The following LANCL3 variants were observed in gnomAD, a reference collection of about 807,000 sequenced individuals.
LANCL3 encodes LanC like family member 3.
In LANCL3, 19 loss-of-function variants were observed where a neutral mutation model predicts 26.5. That is an observed-to-expected ratio of 0.72 (90% CI 0.50 to 1.05). The LOEUF (loss-of-function observed/expected upper bound fraction) is 1.05, where lower values mean the gene tolerates loss of function less well. Ranked by LOEUF, LANCL3 falls within the 50% of genes least tolerant of loss-of-function variation. The pLI is 0.00. For synonymous variants in LANCL3, 160 were observed against 166.6 expected, an observed-to-expected ratio of 0.96 and a Z score of 0.30; for missense variants, 318 against 362.7, an observed-to-expected ratio of 0.88 and a Z score of 1.00.
At chrX:37,674,888 T>C (rs1926759093) in intron 4 of LANCL3, among the ~76,000 whole-genome samples, 1 of 111,443 alleles carries the variant, frequency 9.0e-6, no homozygotes, top group Non-Finnish European at 1.9e-5. Flanking sequence ...TTGATGGGAA[T>C]GAGTAGAGCA....
At chrX:37,591,378 TG>T (rs1266387229) in intron 1 of LANCL3, among the ~76,000 whole-genome samples, 12 of 111,006 alleles carry the variant, frequency 1.1e-4, no homozygotes, top group African/African-American at 3.9e-4. Flanking sequence ...GTGTTAGTGG[TG>T]GTGTGGGTCA....
chrX:37,628,217 G>T (rs1925370722), intron 1 of LANCL3, among the ~76,000 whole-genome samples: 1 of 111,386 alleles, frequency 9.0e-6, no homozygotes, highest in South Asian at 3.8e-4. Context: ...ATGATGTTCT[G>T]CAAAGGACAG....
intron 1 of LANCL3, among the ~76,000 whole-genome samples, chrX:37,655,070 A>G (rs782800136): frequency 1.8e-5 from 2 of 112,964 alleles, no homozygotes; most frequent in East Asian, 2.8e-4. Flanking sequence ...TGAATAAAAC[A>G]TGGAAGACTG....
intron 3 of LANCL3, among the ~76,000 whole-genome samples, chrX:37,664,893 CT>C (rs1299251406): frequency 3.6e-5 from 4 of 111,638 alleles, no homozygotes; most frequent in African/African-American, 6.5e-5. Flanking sequence ...GACATAATCT[CT>C]TTTTTTATGG....
intron 1 of LANCL3, among the ~76,000 whole-genome samples, chrX:37,644,685 TC>T (rs1398839491): frequency 9.8e-5 from 11 of 112,539 alleles, no homozygotes; most frequent in African/African-American, 3.6e-4. Flanking sequence ...GGAGGTCTTT[TC>T]CATATTTTCC....
In LANCL3 at chrX:37,629,632, G is replaced by A. The variant is rs1390417496; in HGVS notation, c.574-26056G>A. Among the ~76,000 whole-genome samples the A allele has an allele frequency of 8.4e-5, 9 of 107,484 alleles. No individual in the cohort carries two copies. The South Asian group carries it at 3.7e-3, about 44-fold the overall frequency. The allele number at this position is 107,484 out of a possible 115,157, so 93.3% of individuals were successfully genotyped here. On this transcript the variant is annotated intron_variant, in intron 1 of 4. Transcript: ENST00000378619. ...TCTTGAATTAATTTTTGTATAAGGT[G>A]TAAGGAAGGGATCCAGTTTCAGCTT... is the stretch of plus-strand genomic sequence containing the variant.
chrX:37,574,435 G>T (rs1923691455), intron 1 of LANCL3, among the ~76,000 whole-genome samples: 1 of 110,997 alleles, frequency 9.0e-6, no homozygotes, highest in Non-Finnish European at 1.9e-5. Flanking sequence ...CTCAGTTATC[G>T]CTCTAATTTA....
Position 37,675,820 on chromosome X carries a change from C to G in LANCL3, c.*7C>G, listed in dbSNP as rs983855424. The G allele has an allele frequency of 6.2e-6, 7 of 1,129,353 alleles. No homozygotes were observed. The highest frequency in any genetic ancestry group is 7.0e-6 in the Non-Finnish European group (6 of 855,669). 93.1% of individuals were successfully genotyped at this position (1,129,353 alleles called of 1,213,427 possible). On this transcript the variant is annotated 3_prime_UTR_variant, in exon 5 of 5. Transcript: ENST00000378619. Reference sequence around the variant, plus strand: ...CTTCAGCGTCTTTGTTTAGAAGGCTCTATCTTCCACTGTGGCCCTGCAGAG... The same window carrying G: ...CTTCAGCGTCTTTGTTTAGAAGGCTGTATCTTCCACTGTGGCCCTGCAGAG...
intron 3 of LANCL3, among the ~76,000 whole-genome samples, chrX:37,665,395 T>C (rs781980987): frequency 1.5e-4 from 17 of 111,726 alleles, no homozygotes; most frequent in Non-Finnish European, 2.1e-4. Flanking sequence ...CCTCCCTGCT[T>C]CATCTTGGGC....
At chrX:37,611,130 T>TC (rs1282399105) in intron 1 of LANCL3, among the ~76,000 whole-genome samples, 16 of 112,293 alleles carry the variant, frequency 1.4e-4, no homozygotes, top group Non-Finnish European at 2.1e-4. Flanking sequence ...CAAATCCCTG[T>TC]CCCTCATTGG....
In LANCL3 at chrX:37,572,118, C is replaced by G. The variant is rs1923601165; in HGVS notation, c.248C>G (p.Pro83Arg). ...ATGCTCTACCACGTCTCGCAGAGCC[C>G]GCTTTTCGCCACGGCCCGGGAACGC... is the stretch of plus-strand genomic sequence containing the variant. ...AYMLYHVSQS[P>R]LFATARERYL... The change falls in exon 1 of 5, where the codon CCG becomes CGG. Residue 83 changes from proline (P) to arginine (R), a missense_variant. Transcript: ENST00000378619. 8.4e-7 allele frequency: 1 copy of G among 1,194,401 alleles called. No homozygotes were observed. The highest frequency in any genetic ancestry group is 3.0e-5 in the East Asian group (1 of 33,586).
At chrX:37,631,493 G>A (rs1301374645) in intron 1 of LANCL3, among the ~76,000 whole-genome samples, 1 of 111,221 alleles carries the variant, frequency 9.0e-6, no homozygotes, top group Non-Finnish European at 1.9e-5. Flanking sequence ...CCTTCTGCTA[G>A]CTTTTGAATG....
intron 1 of LANCL3, among the ~76,000 whole-genome samples, chrX:37,631,505 G>A (rs1398110391): frequency 9.0e-6 from 1 of 111,324 alleles, no homozygotes; most frequent in Non-Finnish European, 1.9e-5. Flanking sequence ...TTTTGAATGT[G>A]TTTGCTCTTG....
chrX:37,603,009 A>G (rs1299813360), intron 1 of LANCL3, among the ~76,000 whole-genome samples: 2 of 111,895 alleles, frequency 1.8e-5, no homozygotes, highest in African/African-American at 6.5e-5. Flanking sequence ...TAAAAGACAA[A>G]CTTTAATTTA....
chrX:37,629,876 G>T (rs781965180), intron 1 of LANCL3, among the ~76,000 whole-genome samples: 2 of 111,238 alleles, frequency 1.8e-5, no homozygotes, highest in East Asian at 5.6e-4. Flanking sequence ...TTGAAGTCAG[G>T]TAGCGTGATG....
chrX:37,637,527 C>T (rs1556425470), intron 1 of LANCL3, among the ~76,000 whole-genome samples: 1 of 111,167 alleles, frequency 9.0e-6, no homozygotes, highest in Non-Finnish European at 1.9e-5. Context: ...TTCTTCCCAC[C>T]TTGAATGTAA....
chrX:37,574,890 T>G (rs1208576985), intron 1 of LANCL3, among the ~76,000 whole-genome samples: 2 of 72,193 alleles, frequency 2.8e-5, no homozygotes, highest in Non-Finnish European at 4.3e-5. Flanking sequence ...CTTGTATAGG[T>G]GTGTGTGTGT....
At chrX:37,618,418 G>A (rs1347452447) in intron 1 of LANCL3, among the ~76,000 whole-genome samples, 1 of 111,862 alleles carries the variant, frequency 8.9e-6, no homozygotes, top group Non-Finnish European at 1.9e-5. Flanking sequence ...TTACAACCCT[G>A]TGTTAGTTTC....
intron 1 of LANCL3, among the ~76,000 whole-genome samples, chrX:37,605,162 T>C (rs1348045247): frequency 3.6e-5 from 4 of 111,995 alleles, no homozygotes; most frequent in Non-Finnish European, 7.5e-5. Context: ...CATTTATCCT[T>C]ACGCCTCCGA....
Sources: gnomAD v4.1 joint callset for allele counts (sites outside exome capture counted in the v4.1 genomes callset) on GRCh38, gnomAD v4.1.1 for gene constraint, MANE v1.5 for transcripts, NCBI Gene and HGNC (gene_info 2026-07-23, HGNC 2026-07-21) for gene names.